Variants in ZDHHC3 observed in about 807,000 individuals in gnomAD.
The protein encoded by ZDHHC3 is zDHHC palmitoyltransferase 3.
ZDHHC3 carries 9 observed loss-of-function variants against 30.6 expected under a neutral mutation model. The ratio of observed to expected loss-of-function variants is 0.29; its 90% CI spans 0.18 to 0.51. ZDHHC3 has a LOEUF of 0.51. ZDHHC3 is among the 20% of genes least tolerant of loss of function. The pLI, the probability that ZDHHC3 is intolerant of heterozygous loss-of-function variation, is 0.97. For missense variants in ZDHHC3, 246 were observed against 384.2 expected (o/e 0.64, Z 3.01); for synonymous variants, 136 against 140.2 (o/e 0.97, Z 0.21).
At chr3:44,954,033 C>T (rs1703703897) in intron 2 of ZDHHC3, among the ~76,000 whole-genome samples, 1 of 152,212 alleles carries the variant, frequency 6.6e-6, no homozygotes, top group Non-Finnish European at 1.5e-5. Flanking sequence ...CTCTGTAAGG[C>T]TGTTGAAAGA....
At position 44,918,646 on chromosome 3, in the gene ZDHHC3, G is replaced by C. The variant is rs1700377108; in HGVS notation, c.*8043C>G. On this transcript the variant is annotated 3_prime_UTR_variant, in exon 7 of 7. Transcript: ENST00000424952. ...GTGCAGGACACAAACAGCATGCGAG[G>C]TGAAGAAGCGGGTGCTCGTACAGCA... 5.0e-6 allele frequency: 5 copies of C among 1,001,398 alleles called. No individual in the cohort carries two copies. The highest frequency in any genetic ancestry group is 6.0e-6 in the Non-Finnish European group (5 of 837,542). The allele number at this position is 1,001,398 out of a possible 1,614,324, so 62.0% of individuals were successfully genotyped here.
rs1700630075 is a variant in ZDHHC3 at position 44,922,032 on chromosome 3, A to T, written c.*4657T>A. The T allele has an allele frequency of 1.0e-6, 1 of 985,288 alleles. No homozygotes were observed. The highest frequency in any genetic ancestry group is 6.1e-5 in the Admixed American group (1 of 16,266). 61.0% of individuals were successfully genotyped at this position (985,288 alleles called of 1,614,324 possible). ...GCCACTCTGCTTTGCTACGGCAATC[A>T]CACTGCTCAAGTCAGCAAGATGTTT... On this transcript the variant is annotated 3_prime_UTR_variant, in exon 7 of 7. Coordinates refer to ENST00000424952, the MANE Select transcript of ZDHHC3 (RefSeq NM_001135179.2).
intron 2 of ZDHHC3, among the ~76,000 whole-genome samples, chr3:44,957,591 T>C (rs1372649541): frequency 2.0e-5 from 3 of 152,214 alleles, no homozygotes; most frequent in African/African-American, 7.2e-5. Flanking sequence ...CCACTCCTGG[T>C]GCCTAGAGGA....
intron 2 of ZDHHC3, chr3:44,958,525 C>G (rs981663226): frequency 7.1e-7 from 1 of 1,410,632 alleles, no homozygotes; most frequent in Non-Finnish European, 9.7e-7. Context: ...GCCACGTGCG[C>G]AGCTTGGCAT....
intron 2 of ZDHHC3, among the ~76,000 whole-genome samples, chr3:44,951,688 C>T (rs554485871): frequency 6.6e-6 from 1 of 152,274 alleles, no homozygotes; most frequent in East Asian, 1.9e-4. Flanking sequence ...CATAGCTAAG[C>T]TGCTTGAAGC....
rs923306322 is a variant in ZDHHC3, at chr3:44,916,673, G to A, written c.*10016C>T. On this transcript the variant is annotated 3_prime_UTR_variant, in exon 7 of 7. Transcript: ENST00000424952. The stretch of plus-strand genomic sequence containing the variant: ...CACTTCTTATACCAAACGGGGATAA[G>A]AACCCTTCTGTTGGGCTTTGTGCAG... 6.6e-5 allele frequency: 10 copies of A among 152,244 alleles called. No individual in the cohort carries two copies. The highest frequency in any genetic ancestry group is 2.4e-4 in the African/African-American group (10 of 41,474). 9.4% of individuals were successfully genotyped at this position (152,244 alleles called of 1,614,324 possible).
At chr3:44,962,808 G>C (rs996861102) in intron 1 of ZDHHC3, among the ~76,000 whole-genome samples, 1 of 152,054 alleles carries the variant, frequency 6.6e-6, no homozygotes, top group African/African-American at 2.4e-5. Context: ...CTGTGTCTAC[G>C]GTCACCAGTC....
intron 2 of ZDHHC3, among the ~76,000 whole-genome samples, chr3:44,950,659 G>C (rs963291255): frequency 2.0e-5 from 3 of 152,188 alleles, no homozygotes; most frequent in Non-Finnish European, 4.4e-5. Context: ...CAAGACTGAG[G>C]AGTCTGATGC....
chr3:44,928,020 G>A lies in ZDHHC3; in HGVS notation c.742-1173C>T, dbSNP rs116732683. 4.8e-3 allele frequency among the ~76,000 whole-genome samples: 734 copies of A among 152,320 alleles called. 5 individuals carry two copies. Among genetic ancestry groups the A allele is most frequent in the African/African-American group, 0.017 (706 of 41,580 alleles). On this transcript the variant is annotated intron_variant, in intron 6 of 6. Coordinates refer to ENST00000424952, the MANE Select transcript of ZDHHC3 (RefSeq NM_001135179.2). Reference sequence around the variant, plus strand: ...GAAGAACGGCTAGGACTGGGGCCGTGAGAGCTTGCCTTCTGGCTCCCCCAG... The same window carrying A: ...GAAGAACGGCTAGGACTGGGGCCGTAAGAGCTTGCCTTCTGGCTCCCCCAG...
rs932652205 is a variant in ZDHHC3, at chr3:44,919,530, C to A, written c.*7159G>T. Among the ~76,000 whole-genome samples, 2 of 152,058 alleles carry A rather than the reference C, an allele frequency of 1.3e-5. No homozygotes were observed. Among genetic ancestry groups the A allele is most frequent in the African/African-American group, 4.8e-5 (2 of 41,388 alleles). On this transcript the variant is annotated 3_prime_UTR_variant, in exon 7 of 7. Coordinates refer to ENST00000424952, the MANE Select transcript of ZDHHC3 (RefSeq NM_001135179.2). ...ATTTTGTGTTACAGGAATTTCACCT[C>A]GATTTTTAAAAAGGGTCAAGGTCAT...
At chr3:44,948,997 A>G (rs1385625615) in intron 2 of ZDHHC3, among the ~76,000 whole-genome samples, 2 of 152,214 alleles carry the variant, frequency 1.3e-5, no homozygotes, top group African/African-American at 4.8e-5. Context: ...GTCCACATGC[A>G]AGCGCACCTC....
rs1700466497 is a variant in ZDHHC3 at position 44,919,765 on chromosome 3, T to C, written c.*6924A>G. The C allele has an allele frequency of 1.7e-6, 1 of 577,352 alleles. No individual in the cohort carries two copies. Among genetic ancestry groups the C allele is most frequent in the South Asian group, 7.6e-5 (1 of 13,074 alleles). The allele number at this position is 577,352 out of a possible 1,614,324, so 35.8% of individuals were successfully genotyped here. On this transcript the variant is annotated 3_prime_UTR_variant, in exon 7 of 7. Coordinates refer to ENST00000424952, the MANE Select transcript of ZDHHC3 (RefSeq NM_001135179.2). ...TTATGGTTGTATAAAATGTTTACCT[T>C]TGGTGAGACTGACTGAAAGGTACAT...
intron 3 of ZDHHC3, among the ~76,000 whole-genome samples, chr3:44,934,734 A>G (rs141687523): frequency 6.9e-4 from 105 of 152,002 alleles, no homozygotes; most frequent in African/African-American, 2.3e-3. Flanking sequence ...TCTACTAAAA[A>G]TACAAGAATT....
At chr3:44,938,835 A>T (rs1702197983) in intron 3 of ZDHHC3, among the ~76,000 whole-genome samples, 1 of 152,208 alleles carries the variant, frequency 6.6e-6, no homozygotes, top group Non-Finnish European at 1.5e-5. Flanking sequence ...ACAGTCCTCC[A>T]CCACGGTGCT....
intron 2 of ZDHHC3, among the ~76,000 whole-genome samples, chr3:44,955,533 A>G (rs1231847639): frequency 1.3e-5 from 2 of 151,372 alleles, no homozygotes; most frequent in Non-Finnish European, 2.9e-5. Flanking sequence ...TACACAATGC[A>G]TACATTGCTT....
At chr3:44,942,634 C>T (rs759201358) in intron 3 of ZDHHC3, among the ~76,000 whole-genome samples, 1 of 152,328 alleles carries the variant, frequency 6.6e-6, no homozygotes, top group Non-Finnish European at 1.5e-5. Context: ...CCTTTATAAA[C>T]CCAGCATATC....
Position 44,923,964 on chromosome 3 carries a change from A to G in ZDHHC3, c.*2725T>C. 3 of 985,490 alleles carry G rather than the reference A, an allele frequency of 3.0e-6. No homozygotes were observed. The highest frequency in any genetic ancestry group is 9.4e-5 in the South Asian group (2 of 21,286). The allele number at this position is 985,490 out of a possible 1,614,324, so 61.0% of individuals were successfully genotyped here. Reference sequence around the variant, plus strand: ...ATTTGCTTGGATCTAAGCCTTTTGCATATTCAGTCTAGTTGCTATGAACAC... The same window carrying G: ...ATTTGCTTGGATCTAAGCCTTTTGCGTATTCAGTCTAGTTGCTATGAACAC... On this transcript the variant is annotated 3_prime_UTR_variant, in exon 7 of 7. Transcript: ENST00000424952.
At position 44,975,974 on chromosome 3, in the gene ZDHHC3, G is replaced by C; in HGVS notation, c.-66C>G. On this transcript the variant is annotated 5_prime_UTR_variant, in exon 1 of 7. Transcript: ENST00000424952. Reference sequence around the variant, plus strand: ...GTTCCCCAGTCCCAGACCCCGGTGGGGCTCCCGCCGCCGCCGCCGCTGCCT... The same window carrying C: ...GTTCCCCAGTCCCAGACCCCGGTGGCGCTCCCGCCGCCGCCGCCGCTGCCT... 3.2e-6 allele frequency: 1 copy of C among 313,966 alleles called. No individual in the cohort carries two copies. Among genetic ancestry groups the C allele is most frequent in the Non-Finnish European group, 5.8e-6 (1 of 173,258 alleles). 19.4% of individuals were successfully genotyped at this position (313,966 alleles called of 1,614,324 possible).
At chr3:44,928,217 TATAAA>T (rs1701172208) in intron 6 of ZDHHC3, among the ~76,000 whole-genome samples, 3 of 152,194 alleles carry the variant, frequency 2.0e-5, no homozygotes, top group South Asian at 4.1e-4. Flanking sequence ...CATCATTTCT[TATAAA>T]AGAAAAAAAG....
Sources: gnomAD v4.1 joint callset for allele counts (sites outside exome capture counted in the v4.1 genomes callset) on GRCh38, gnomAD v4.1.1 for gene constraint, MANE v1.5 for transcripts, NCBI Gene and HGNC (gene_info 2026-07-23, HGNC 2026-07-21) for gene names.